F8: variants seen among roughly 807,000 people sequenced by gnomAD.
The protein encoded by F8 is antihemophilic factor.
F8 carries 12 observed loss-of-function variants against 140.6 expected under a neutral mutation model. That is an observed-to-expected ratio of 0.09 (90% CI 0.05 to 0.14). The LOEUF is 0.14. Among genes scored for constraint, F8 ranks in the 10% least tolerant of loss-of-function variants. The pLI, the probability that F8 is intolerant of heterozygous loss-of-function variation, is 1.00. For missense variants in F8, 1,354 were observed against 1,720.7 expected, an observed-to-expected ratio of 0.79 and a Z score of 3.77; for synonymous variants, 585 against 614.6, an observed-to-expected ratio of 0.95 and a Z score of 0.71.
At chrX:154,928,282 C>T (rs1347484308) in intron 14 of F8, among the ~76,000 whole-genome samples, 4 of 112,075 alleles carry the variant, frequency 3.6e-5, no homozygotes, top group East Asian at 2.8e-4. Context: ...CTCTTTAACA[C>T]GAACTTGCTT....
chrX:154,850,860 A>G (rs782180653), intron 25 of F8, among the ~76,000 whole-genome samples: 15 of 112,427 alleles, frequency 1.3e-4, no homozygotes, highest in Non-Finnish European at 2.4e-4. Flanking sequence ...GTTACTCATT[A>G]TGGTAATGTA....
At position 154,956,934 on chromosome X, in the gene F8, C is replaced by T. The variant is rs147176029; in HGVS notation, c.1752+23G>A. The stretch of plus-strand genomic sequence containing the variant: ...GACATACACTGAGAATGAAACCCAG[C>T]ACTTGGAAAGGCAAGAACTCACCTG... On this transcript the variant is annotated intron_variant, in intron 11 of 25. Coordinates refer to ENST00000360256, the MANE Select transcript of F8 (RefSeq NM_000132.4). 7.9e-5 allele frequency: 92 copies of T among 1,166,967 alleles called. No homozygotes were observed. The African/African-American group carries it at 1.5e-3, about 19-fold the overall frequency.
intron 5 of F8, among the ~76,000 whole-genome samples, chrX:154,986,387 C>G (rs1557284242): frequency 9.0e-6 from 1 of 111,628 alleles, no homozygotes; most frequent in Non-Finnish European, 1.9e-5. Context: ...ACCTCCTGGG[C>G]TCAAGTGATC....
At chrX:154,844,848 G>C (rs2072551450) in intron 25 of F8, among the ~76,000 whole-genome samples, 1 of 109,925 alleles carries the variant, frequency 9.1e-6, no homozygotes. Flanking sequence ...AGTGGTGAGA[G>C]AGGGCATCCC....
intron 13 of F8, among the ~76,000 whole-genome samples, 177 bp from the exon 14 acceptor site, chrX:154,931,853 G>C (rs1340577901): frequency 8.9e-6 from 1 of 112,329 alleles, no homozygotes; most frequent in African/African-American, 3.2e-5. Context: ...TTGCATTGCT[G>C]CTGTTGTACT....
At chrX:154,964,756 G>A (rs782713265) in intron 9 of F8, among the ~76,000 whole-genome samples, 2 of 110,569 alleles carry the variant, frequency 1.8e-5, no homozygotes, top group African/African-American at 3.3e-5. Flanking sequence ...GTGTCTTGGG[G>A]GTGGCAAAGA....
chrX:154,841,714 A>G (rs912820564), intron 25 of F8, among the ~76,000 whole-genome samples: 1 of 111,128 alleles, frequency 9.0e-6, no homozygotes, highest in Non-Finnish European at 1.9e-5. Flanking sequence ...AGGACAGCCA[A>G]TATGTATAAT....
chrX:155,000,583 G>C (rs896185169), intron 1 of F8, among the ~76,000 whole-genome samples: 2 of 112,244 alleles, frequency 1.8e-5, no homozygotes, highest in African/African-American at 3.2e-5. Context: ...AGAAAGCAAG[G>C]CTCCTGCCCT....
At chrX:154,974,721 CT>C (rs2073475738) in intron 6 of F8, among the ~76,000 whole-genome samples, 1 of 110,062 alleles carries the variant, frequency 9.1e-6, no homozygotes, top group African/African-American at 3.3e-5. Flanking sequence ...GGGTACTGAA[CT>C]TTTCTTTGAT....
chrX:154,973,540 T>C (rs782536454), intron 6 of F8, among the ~76,000 whole-genome samples: 9 of 112,466 alleles, frequency 8.0e-5, no homozygotes, highest in Non-Finnish European at 1.7e-4. Flanking sequence ...GTTTTCATTA[T>C]AGAGATCTTT....
intron 14 of F8, chrX:154,909,051 G>A (rs2073052013): frequency 4.0e-6 from 1 of 248,642 alleles, no homozygotes; most frequent in Non-Finnish European, 7.7e-6. Context: ...CATTTTCGCT[G>A]TCACAAGCCA....
intron 14 of F8, among the ~76,000 whole-genome samples, chrX:154,921,190 G>C (rs1486492545): frequency 8.1e-5 from 9 of 111,655 alleles, no homozygotes; most frequent in Non-Finnish European, 1.1e-4. Flanking sequence ...TATTTCTTCT[G>C]AGAAATCCAC....
At chrX:154,841,221 T>C (rs2072518988) in intron 25 of F8, among the ~76,000 whole-genome samples, 2 of 105,351 alleles carry the variant, frequency 1.9e-5, no homozygotes, top group South Asian at 8.4e-4. Context: ...TTTTTTTTTT[T>C]TTTTTTTTTT....
intron 22 of F8, among the ~76,000 whole-genome samples, chrX:154,877,641 C>T (rs955821670): frequency 8.1e-5 from 9 of 110,732 alleles, no homozygotes; most frequent in Admixed American, 6.7e-4. Context: ...TACAGGCGAC[C>T]GAAAAAGGAT....
At chrX:154,972,818 T>C (rs1040396908) in intron 6 of F8, among the ~76,000 whole-genome samples, 12 of 103,149 alleles carry the variant, frequency 1.2e-4, no homozygotes, top group African/African-American at 4.3e-4. Context: ...GGGGTTCAAG[T>C]GATTCTCCTG....
chrX:154,999,344 T>C, intron 2 of F8, 135 bp downstream of exon 2: 1 of 692,301 alleles, frequency 1.4e-6, no homozygotes, highest in Non-Finnish European at 2.2e-6. Context: ...TCAGTGTATT[T>C]CCCTATAGGT....
intron 14 of F8, among the ~76,000 whole-genome samples, chrX:154,911,331 T>C (rs782398080): frequency 9.3e-6 from 1 of 108,028 alleles, no homozygotes; most frequent in South Asian, 4.3e-4. Context: ...TTACACCTAT[T>C]AATCAACCTC....
At chrX:154,924,708 G>T (rs2073150698) in intron 14 of F8, among the ~76,000 whole-genome samples, 1 of 112,178 alleles carries the variant, frequency 8.9e-6, no homozygotes, top group Non-Finnish European at 1.9e-5. Context: ...TTCTGCCTAG[G>T]CATCCAGGTG....
rs1557272966 is a variant in F8 at position 154,863,099 on chromosome X, C to T, written c.6558G>A (p.Met2186Ile). ...SIRSTLRMELMGCDLNSCSMP... is the reference protein window; with the variant it reads ...SIRSTLRMELIGCDLNSCSMP... ...GGCACTTACTATTTAAATCACAGCC[C>T]ATCAACTCCATGCGAAGAGTGCTGC... Residue 2186 changes from methionine to isoleucine, a missense_variant, in exon 23 of 26, where the codon ATG (methionine) becomes ATA (isoleucine). This residue lies in a region of F8 where 316 missense variants were observed against 485.4 expected (regional missense o/e 0.65). Coordinates refer to ENST00000360256, the MANE Select transcript of F8 (RefSeq NM_000132.4). 1 of 1,211,094 alleles carries T rather than the reference C, an allele frequency of 8.3e-7. No individual in the cohort carries two copies. Among genetic ancestry groups the T allele is most frequent in the Non-Finnish European group, 1.1e-6 (1 of 895,039 alleles).
Sources: gnomAD v4.1 joint callset for allele counts (sites outside exome capture counted in the v4.1 genomes callset) on GRCh38, gnomAD v4.1.1 for gene constraint, gnomAD v4.1.1 regional missense constraint, MANE v1.5 for transcripts, NCBI Gene and HGNC (gene_info 2026-07-23, HGNC 2026-07-21) for gene names.